MEPE: variants seen among roughly 807,000 people sequenced by gnomAD.
MEPE encodes matrix extracellular phosphoglycoprotein, also known as matrix, extracellular phosphoglycoprotein with ASARM motif (bone).
MEPE carries 7 observed loss-of-function variants against 7.3 expected under a neutral mutation model. The observed-to-expected ratio is 0.95, with a 90% CI of 0.54 to 1.79. MEPE has a LOEUF of 1.79. Among genes scored for constraint, MEPE ranks in the 40% most tolerant of loss-of-function variants. The pLI is 0.00. For synonymous variants in MEPE, 214 were observed against 213.1 expected (o/e 1.00, Z -0.04); for missense variants, 623 against 628.2 (o/e 0.99, Z 0.09).
upstream of MEPE, among the ~76,000 whole-genome samples, chr4:87,830,005 CAGGATT>C (rs1249798462): frequency 6.6e-6 from 1 of 151,866 alleles, no homozygotes; most frequent in Non-Finnish European, 1.5e-5. Flanking sequence ...GTGGTAGAGT[CAGGATT>C]TGAACTCAAG....
At chr4:87,843,562 G>A (rs114125851) in intron 3 of MEPE, among the ~76,000 whole-genome samples, 67 of 152,212 alleles carry the variant, frequency 4.4e-4, no homozygotes, top group African/African-American at 1.5e-3. Flanking sequence ...TAGGGATGTT[G>A]TATATTCCAG....
At chr4:87,838,347 A>G (rs1410218011) in intron 2 of MEPE, among the ~76,000 whole-genome samples, 1 of 150,882 alleles carries the variant, frequency 6.6e-6, no homozygotes, top group Non-Finnish European at 1.5e-5. Context: ...ATCCCTCCCT[A>G]CTCCCCCACC....
At chr4:87,826,392 G>T (rs879867922) in intron 1 of MEPE, among the ~76,000 whole-genome samples, 159 of 144,578 alleles carry the variant, frequency 1.1e-3, no homozygotes, top group Non-Finnish European at 1.9e-3. Context: ...TTTTTTTTTT[G>T]TTTTTGTTTT....
intron 2 of MEPE, among the ~76,000 whole-genome samples, chr4:87,838,155 A>AG (rs1187569925): frequency 6.6e-6 from 1 of 152,212 alleles, no homozygotes; most frequent in Non-Finnish European, 1.5e-5. Flanking sequence ...CTGGGCCATC[A>AG]GCAGCATCAT....
chr4:87,824,112 T>C (rs552262207), intron 1 of MEPE, among the ~76,000 whole-genome samples: 60 of 152,320 alleles, frequency 3.9e-4, no homozygotes, highest in African/African-American at 1.4e-3. Flanking sequence ...TTTTAAAATA[T>C]AAATTCTGCC....
intron 3 of MEPE, chr4:87,839,771 T>C: frequency 6.5e-7 from 1 of 1,549,494 alleles, no homozygotes; most frequent in Non-Finnish European, 8.7e-7. Context: ...ATCAAACTGA[T>C]GTAAAGGTAA....
chr4:87,834,270 T>C (rs991087947), intron 1 of MEPE, among the ~76,000 whole-genome samples: 5 of 152,186 alleles, frequency 3.3e-5, no homozygotes, highest in Non-Finnish European at 5.9e-5. Context: ...CGGAGGCAGA[T>C]AAGCTTTCCT....
Position 87,845,871 on chromosome 4 carries a change from G to A in MEPE, c.1003G>A (p.Val335Ile), listed in dbSNP as rs1311839711. The A allele has an allele frequency of 2.5e-6, 4 of 1,613,918 alleles. No homozygotes were observed. Among genetic ancestry groups the A allele is most frequent in the Admixed American group, 1.7e-5 (1 of 59,972 alleles). The change falls in exon 4 of 4, where the codon GTA becomes ATA. Residue 335 changes from valine (V) to isoleucine (I), a missense_variant. Val to Ile is a conservative substitution (Grantham distance 29). Coordinates refer to ENST00000361056, the MANE Select transcript of MEPE (RefSeq NM_020203.6). ...GGCAGATGCTGTTGATGTCAGCCTT[G>A]TAGAGGGCAGCAACGATATCATGGG... ...KEADAVDVSLVEGSNDIMGST... is the reference protein window; with the variant it reads ...KEADAVDVSLIEGSNDIMGST...
At chr4:87,842,797 T>C (rs1340729100) in intron 3 of MEPE, among the ~76,000 whole-genome samples, 1 of 152,182 alleles carries the variant, frequency 6.6e-6, no homozygotes, top group Non-Finnish European at 1.5e-5. Context: ...ATTACAACTA[T>C]GTATAAGTGA....
Position 87,846,329 on chromosome 4 carries a change from A to C in MEPE, c.1461A>C (p.Gln487His), listed in dbSNP as rs61731016. Residue 487 changes from glutamine to histidine, a missense_variant, in exon 4 of 4, where the codon CAA becomes CAC. Transcript: ENST00000361056. ...CTACACGGAATAAGGGTATGCCACA[A>C]GGGAAAGGCTCCTGGGGTAGACAAC... is the stretch of plus-strand genomic sequence containing the variant. The part of the protein sequence containing the change: ...NNSTRNKGMP[Q>H]GKGSWGRQPH... 2.2e-3 allele frequency: 3,580 copies of C among 1,614,086 alleles called. 52 individuals are homozygous for C. The African/African-American group carries it at 0.034, about 15-fold the overall frequency.
chr4:87,836,891 C>T (rs1722815498), intron 2 of MEPE, among the ~76,000 whole-genome samples: 1 of 152,156 alleles, frequency 6.6e-6, no homozygotes, highest in South Asian at 2.1e-4. Flanking sequence ...ATTATAAGTA[C>T]AAAAGCAGTT....
intron 3 of MEPE, among the ~76,000 whole-genome samples, chr4:87,841,942 T>C (rs1440177887): frequency 6.6e-6 from 1 of 152,212 alleles, no homozygotes; most frequent in Non-Finnish European, 1.5e-5. Context: ...GAAACTATCA[T>C]TCATTAAAGG....
chr4:87,836,989 T>C (rs1722819418), intron 2 of MEPE, among the ~76,000 whole-genome samples: 1 of 152,258 alleles, frequency 6.6e-6, no homozygotes, highest in Admixed American at 6.5e-5. Context: ...TAGGCAGCTA[T>C]GCCTTGGAGT....
At chr4:87,829,191 C>T (rs1722540807), upstream of MEPE, among the ~76,000 whole-genome samples, 1 of 152,074 alleles carries the variant, frequency 6.6e-6, no homozygotes, top group African/African-American at 2.4e-5. Flanking sequence ...TCTCTGCAAC[C>T]TTCTAGCCAG....
rs1051141397 is a variant in MEPE at position 87,845,658 on chromosome 4, G to A, written c.790G>A (p.Asp264Asn). 1.9e-6 allele frequency: 3 copies of A among 1,613,718 alleles called. No homozygotes were observed. The highest frequency in any genetic ancestry group is 2.5e-6 in the Non-Finnish European group (3 of 1,179,934). Residue 264 changes from aspartate to asparagine, a missense_variant, in exon 4 of 4, where the codon GAC becomes AAC. Transcript: ENST00000361056. ...CAGTGGGGACGGCCAACCTTTTAAG[G>A]ACATTCCTGGTAAAGGAGAAGCTAC... ...PFSGDGQPFK[D>N]IPGKGEATGP...
intron 3 of MEPE, among the ~76,000 whole-genome samples, chr4:87,842,810 C>T (rs1723063506): frequency 6.6e-6 from 1 of 152,016 alleles, no homozygotes; most frequent in Non-Finnish European, 1.5e-5. Context: ...ATAAGTGAAA[C>T]AATAGGATCT....
At chr4:87,832,009 A>G (rs1238178064), upstream of MEPE, among the ~76,000 whole-genome samples, 1 of 152,022 alleles carries the variant, frequency 6.6e-6, no homozygotes, top group Non-Finnish European at 1.5e-5. Flanking sequence ...TGAAGAGGCC[A>G]GCATGTTCAT....
At chr4:87,825,628 T>A (rs1184376203) in intron 1 of MEPE, among the ~76,000 whole-genome samples, 1 of 152,264 alleles carries the variant, frequency 6.6e-6, no homozygotes, top group African/African-American at 2.4e-5. Context: ...ATCTCTGCTT[T>A]CAATTTGCAT....
At chr4:87,844,873 T>G in intron 3 of MEPE, 104 bp from the exon 4 acceptor site, 3 of 924,382 alleles carry the variant, frequency 3.2e-6, no homozygotes, top group Admixed American at 6.9e-5. Flanking sequence ...TAATAGATCC[T>G]TTTTATTAAA....
Sources: allele counts gnomAD v4.1 joint callset (sites outside exome capture counted in the v4.1 genomes callset), GRCh38; gene constraint gnomAD v4.1.1; transcripts MANE v1.5; gene names NCBI Gene and HGNC (gene_info 2026-07-23, HGNC 2026-07-21).